The following MYO9A variants were observed in gnomAD, a reference collection of about 807,000 sequenced individuals.
The protein encoded by MYO9A is unconventional myosin-IXa.
MYO9A carries 103 observed loss-of-function variants against 293.3 expected under a neutral mutation model. That is an observed-to-expected ratio of 0.35 (90% CI 0.30 to 0.41). MYO9A has a LOEUF of 0.41. Ranked by LOEUF, MYO9A falls within the 10% of genes least tolerant of loss-of-function variation. The probability of loss-of-function intolerance (pLI) is 1.00; values close to 1 mark genes in which losing one functional copy is unlikely to be tolerated. For synonymous variants in MYO9A, 1,001 were observed against 1,035.7 expected (o/e 0.97, Z 0.64); for missense variants, 2,685 against 3,033.0 (o/e 0.89, Z 2.69).
At chr15:71,875,367 T>C (rs1054820091) in intron 32 of MYO9A, among the ~76,000 whole-genome samples, 3 of 152,136 alleles carry the variant, frequency 2.0e-5, no homozygotes, top group Non-Finnish European at 4.4e-5. Context: ...AAAAGTGTGA[T>C]TGTATATATT....
chr15:71,952,718 T>C (rs2059079653), intron 14 of MYO9A, among the ~76,000 whole-genome samples: 1 of 152,138 alleles, frequency 6.6e-6, no homozygotes, highest in Non-Finnish European at 1.5e-5. Flanking sequence ...TTTAAATAAG[T>C]TTGCTTTTAA....
chr15:72,032,932 C>CCT (rs2077922315), intron 2 of MYO9A, among the ~76,000 whole-genome samples: 2 of 152,050 alleles, frequency 1.3e-5, no homozygotes, highest in African/African-American at 4.8e-5. Flanking sequence ...CTCACTGCAA[C>CCT]CTCTGCCTTC....
chr15:71,866,002 T>C lies in MYO9A; in HGVS notation c.5980-3391A>G, dbSNP rs182621383. 2.6e-5 allele frequency among the ~76,000 whole-genome samples: 4 copies of C among 152,196 alleles called. No individual in the cohort carries two copies. The East Asian group carries it at 7.7e-4, about 29-fold the overall frequency. On this transcript the variant is annotated intron_variant, in intron 32 of 41. Transcript: ENST00000356056. Reference sequence around the variant, plus strand: ...TTAACGTTTTTATTATTTCACCTTCTTCAGTAAAGCTTCTCTATTTTTCTT... The same window carrying C: ...TTAACGTTTTTATTATTTCACCTTCCTCAGTAAAGCTTCTCTATTTTTCTT...
chr15:71,903,212 T>G, intron 21 of MYO9A, 149 bp from the exon 22 acceptor site: 1 of 661,940 alleles, frequency 1.5e-6, no homozygotes. Flanking sequence ...TGATAAAAGG[T>G]TAATTCGGAA....
chr15:71,960,227 G>A (rs891416026), intron 13 of MYO9A, 131 bp from the exon 14 acceptor site: 2 of 758,486 alleles, frequency 2.6e-6, no homozygotes, highest in African/African-American at 1.8e-5. Flanking sequence ...CCATGGTGGA[G>A]ATGGGGCCTG....
chr15:71,948,570 G>A (rs1174017605), intron 15 of MYO9A, among the ~76,000 whole-genome samples: 1 of 152,166 alleles, frequency 6.6e-6, no homozygotes, highest in Non-Finnish European at 1.5e-5. Flanking sequence ...GAAGAGATGA[G>A]TAGCTGCAAC....
At position 71,824,490 on chromosome 15, in the gene MYO9A, C is replaced by T. The variant is rs1384674801; in HGVS notation, c.*2090G>A. On this transcript the variant is annotated 3_prime_UTR_variant, in exon 42 of 42. Coordinates refer to ENST00000356056, the MANE Select transcript of MYO9A (RefSeq NM_006901.4). ...ACATTCTGGAGCAAGTGCAGAGTAA[C>T]AATTAATGCCCAGCAGTACACTACT... 1 of 152,082 alleles carries T rather than the reference C, an allele frequency of 6.6e-6. No individual in the cohort carries two copies. Among genetic ancestry groups the T allele is most frequent in the Non-Finnish European group, 1.5e-5 (1 of 68,040 alleles). 9.4% of individuals were successfully genotyped at this position (152,082 alleles called of 1,614,324 possible). A position where few individuals can be genotyped will look rare whatever the true frequency, so the allele number is the denominator to read the frequency against.
intron 1 of MYO9A, among the ~76,000 whole-genome samples, chr15:72,115,752 A>C (rs566798338): frequency 6.6e-6 from 1 of 152,368 alleles, no homozygotes; most frequent in African/African-American, 2.4e-5. Context: ...GGAAGCTCAG[A>C]GGTTCAATGA....
intron 8 of MYO9A, among the ~76,000 whole-genome samples, chr15:72,002,564 T>C (rs1267995787): frequency 6.6e-6 from 1 of 152,122 alleles, no homozygotes; most frequent in Non-Finnish European, 1.5e-5. Flanking sequence ...GAAATCAGCA[T>C]TGAAAGATCT....
intron 39 of MYO9A, among the ~76,000 whole-genome samples, chr15:71,841,004 A>C (rs2055138880): frequency 6.6e-6 from 1 of 152,186 alleles, no homozygotes; most frequent in African/African-American, 2.4e-5. Context: ...TTGATGTTTA[A>C]AGTGTGTGTG....
rs771266966 is a variant in MYO9A, at chr15:71,898,406, T to G, written c.4097A>C (p.Lys1366Thr). 2.5e-6 allele frequency: 4 copies of G among 1,613,768 alleles called. No individual in the cohort carries two copies. In the Admixed American group the frequency reaches 6.7e-5, roughly 27 times the overall value. The change falls in exon 25 of 42, where the codon AAA (lysine) becomes ACA (threonine). Residue 1366 changes from lysine to threonine, a missense_variant. This residue lies in a region of MYO9A where 1,434 missense variants were observed against 1,497.7 expected (regional missense o/e 0.96). Transcript: ENST00000356056. The part of the protein sequence containing the change: ...FPSPKISSSP[K>T]FDSRDNALSA... Reference sequence around the variant, plus strand: ...GAGGGCATTGTCCCGTGAATCAAATTTTGGACTGCTGGATATCTTAGGTGA... The same window carrying G: ...GAGGGCATTGTCCCGTGAATCAAATGTTGGACTGCTGGATATCTTAGGTGA...
chr15:71,858,844 T>TA (rs1453330283), intron 34 of MYO9A, among the ~76,000 whole-genome samples: 5 of 150,444 alleles, frequency 3.3e-5, no homozygotes, highest in Admixed American at 3.3e-4. Flanking sequence ...CTCTAGAACT[T>TA]AAAGTATAAT....
At chr15:71,946,447 C>T (rs555647129) in intron 15 of MYO9A, among the ~76,000 whole-genome samples, 17 of 152,282 alleles carry the variant, frequency 1.1e-4, no homozygotes, top group East Asian at 3.9e-4. Context: ...TTCCATTTCA[C>T]GTAAGTTGAA....
chr15:72,064,434 T>C (rs1296844703), intron 1 of MYO9A, among the ~76,000 whole-genome samples: 1 of 152,168 alleles, frequency 6.6e-6, no homozygotes, highest in African/African-American at 2.4e-5. Context: ...ACCCCATAAA[T>C]ATATACAACT....
At chr15:71,889,304 T>C (rs961034318) in intron 26 of MYO9A, among the ~76,000 whole-genome samples, 1 of 152,048 alleles carries the variant, frequency 6.6e-6, no homozygotes, top group Non-Finnish European at 1.5e-5. Context: ...TCACAAAAGG[T>C]CAGTAATAGT....
At chr15:71,848,464 G>T (rs2055487198) in intron 39 of MYO9A, among the ~76,000 whole-genome samples, 1 of 152,040 alleles carries the variant, frequency 6.6e-6, no homozygotes, top group Non-Finnish European at 1.5e-5. Context: ...CATCCCAGGG[G>T]TCTTGGCAGG....
intron 3 of MYO9A, among the ~76,000 whole-genome samples, chr15:72,029,438 A>G (rs1476909359): frequency 6.6e-6 from 1 of 152,172 alleles, no homozygotes; most frequent in African/African-American, 2.4e-5. Flanking sequence ...ATGTTACTGC[A>G]CTGAATACTA....
At chr15:72,063,125 G>T (rs561333618) in intron 1 of MYO9A, among the ~76,000 whole-genome samples, 1 of 152,160 alleles carries the variant, frequency 6.6e-6, no homozygotes, top group Admixed American at 6.5e-5. Flanking sequence ...TTTGACAAAG[G>T]TGCTAAGAAC....
chr15:71,889,067 C>CT (rs1038261421), intron 26 of MYO9A, among the ~76,000 whole-genome samples: 3 of 152,078 alleles, frequency 2.0e-5, no homozygotes, highest in Admixed American at 6.6e-5. Flanking sequence ...TTGACAGACT[C>CT]TAAGTGGAAC....
Sources: gnomAD v4.1 joint callset for allele counts (sites outside exome capture counted in the v4.1 genomes callset) on GRCh38, gnomAD v4.1.1 for gene constraint, gnomAD v4.1.1 regional missense constraint, MANE v1.5 for transcripts, NCBI Gene and HGNC (gene_info 2026-07-23, HGNC 2026-07-21) for gene names.